FRMD4B: variants seen among roughly 807,000 people sequenced by gnomAD.
FRMD4B encodes FERM domain containing 4B.
Under a neutral mutation model 141.5 loss-of-function variants are expected in FRMD4B, and 74 were observed. The ratio of observed to expected loss-of-function variants is 0.52; its 90% CI spans 0.43 to 0.63. The LOEUF (loss-of-function observed/expected upper bound fraction) is 0.63. FRMD4B is among the 30% of genes least tolerant of loss of function. The pLI is 0.00. For synonymous variants in FRMD4B, 506 were observed against 467.9 expected (o/e 1.08, Z -1.05); for missense variants, 1,366 against 1,253.4 (o/e 1.09, Z -1.36).
rs773936502 is a variant in FRMD4B, at chr3:69,181,722, G to C, written c.2040-12C>G. ...ATGAAGATTCGGGTCTGAAAGAGGAGAAAGGCAAACTTCTCAACACCAAGA... is the reference window on the plus strand; with the variant it reads ...ATGAAGATTCGGGTCTGAAAGAGGACAAAGGCAAACTTCTCAACACCAAGA... On this transcript the variant is annotated splice_polypyrimidine_tract_variant and intron_variant, in intron 20 of 22. Coordinates refer to ENST00000398540, the MANE Select transcript of FRMD4B (RefSeq NM_015123.3). 6.4e-7 allele frequency: 1 copy of C among 1,572,628 alleles called. No individual in the cohort carries two copies. Among genetic ancestry groups the C allele is most frequent in the Non-Finnish European group, 8.7e-7 (1 of 1,151,454 alleles).
In FRMD4B at chr3:69,169,911, G is replaced by T. The variant is rs528503436; in HGVS notation, c.*1950C>A. ...TCTGTGAAATTAGTATAAATTACTT[G>T]CTACAAATAAACAACATTCCCAAGA... On this transcript the variant is annotated 3_prime_UTR_variant, in exon 23 of 23. Transcript: ENST00000398540. 1 of 152,116 alleles carries T rather than the reference G, an allele frequency of 6.6e-6. No individual in the cohort carries two copies. The highest frequency in any genetic ancestry group is 1.5e-5 in the Non-Finnish European group (1 of 68,032). 9.4% of individuals were successfully genotyped at this position (152,116 alleles called of 1,614,324 possible). A position where few individuals can be genotyped will look rare whatever the true frequency, so the allele number is the denominator to read the frequency against.
chr3:69,469,650 C>T (rs1037222657), intron 1 of FRMD4B, among the ~76,000 whole-genome samples: 1 of 152,090 alleles, frequency 6.6e-6, no homozygotes, highest in Non-Finnish European at 1.5e-5. Context: ...CATAGCAAGC[C>T]CCTACTCCAC....
At chr3:69,219,858 T>A (rs1001559992) in intron 9 of FRMD4B, among the ~76,000 whole-genome samples, 7 of 152,196 alleles carry the variant, frequency 4.6e-5, no homozygotes, top group Admixed American at 4.6e-4. Context: ...TACTGATAAG[T>A]GAGAACAAGT....
At chr3:69,239,438 G>A (rs1288120255) in intron 7 of FRMD4B, among the ~76,000 whole-genome samples, 3 of 152,150 alleles carry the variant, frequency 2.0e-5, no homozygotes, top group Non-Finnish European at 4.4e-5. Context: ...AATTTCTAAT[G>A]AGAATGAAAA....
At position 69,296,769 on chromosome 3, in the gene FRMD4B, G is replaced by C. The variant is rs1701047117; in HGVS notation, c.416+5574C>G. On this transcript the variant is annotated intron_variant, in intron 4 of 22. Transcript: ENST00000398540. ...ATCTGATGGCTTTAAACAAATGCATGGTTATCTGGTCACAAACATTTTATC... is the reference window on the plus strand; with the variant it reads ...ATCTGATGGCTTTAAACAAATGCATCGTTATCTGGTCACAAACATTTTATC... Among the ~76,000 whole-genome samples, 3 of 152,054 alleles carry C rather than the reference G, an allele frequency of 2.0e-5. 1 individual carries two copies. In the South Asian group the frequency reaches 6.2e-4, roughly 32 times the overall value.
intron 2 of FRMD4B, among the ~76,000 whole-genome samples, chr3:69,403,156 T>G (rs939615522): frequency 6.6e-6 from 1 of 152,130 alleles, no homozygotes; most frequent in African/African-American, 2.4e-5. Flanking sequence ...ATCACAGAGG[T>G]GCTTTGAAAC....
chr3:69,179,407 A>C (rs2092682146), intron 21 of FRMD4B, among the ~76,000 whole-genome samples: 2 of 152,158 alleles, frequency 1.3e-5, no homozygotes, highest in Admixed American at 1.3e-4. Context: ...TTGACCTGTG[A>C]AAGTTTCTCA....
chr3:69,321,949 C>A (rs866343960), intron 1 of FRMD4B, among the ~76,000 whole-genome samples: 5 of 152,164 alleles, frequency 3.3e-5, no homozygotes, highest in Admixed American at 1.3e-4. Context: ...CTCAAGTAGT[C>A]CTCCTGCCTT....
chr3:69,369,918 T>C (rs774327075), intron 1 of FRMD4B, among the ~76,000 whole-genome samples: 30 of 152,320 alleles, frequency 2.0e-4, no homozygotes, highest in Middle Eastern at 3.4e-3. Flanking sequence ...TGATGGCAGA[T>C]TCCGTCATTA....
chr3:69,459,961 GAA>G (rs1352172095), intron 1 of FRMD4B, among the ~76,000 whole-genome samples: 1 of 152,142 alleles, frequency 6.6e-6, no homozygotes, highest in East Asian at 1.9e-4. Flanking sequence ...TAGGATACAT[GAA>G]AAGACAGACT....
chr3:69,392,506 T>C (rs1224132807), intron 2 of FRMD4B, among the ~76,000 whole-genome samples: 1 of 152,004 alleles, frequency 6.6e-6, no homozygotes. Context: ...AGGGGGATGC[T>C]TGATGGTTGG....
intron 1 of FRMD4B, among the ~76,000 whole-genome samples, chr3:69,473,999 T>C (rs1412874110): frequency 3.3e-5 from 5 of 152,098 alleles, no homozygotes; most frequent in Non-Finnish European, 7.4e-5. Context: ...TTTCCAACCT[T>C]CCCTACACAA....
intron 4 of FRMD4B, among the ~76,000 whole-genome samples, chr3:69,288,670 C>T (rs1700777627): frequency 6.6e-6 from 1 of 152,144 alleles, no homozygotes; most frequent in African/African-American, 2.4e-5. Flanking sequence ...CAAGCTGGGG[C>T]CCCGAAGTTT....
intron 2 of FRMD4B, among the ~76,000 whole-genome samples, chr3:69,416,051 G>A (rs999825551): frequency 7.9e-5 from 12 of 152,234 alleles, no homozygotes; most frequent in African/African-American, 2.9e-4. Flanking sequence ...TTTATATAGG[G>A]GAACCACTTT....
intron 2 of FRMD4B, among the ~76,000 whole-genome samples, chr3:69,392,071 C>T (rs775354302): frequency 2.0e-4 from 31 of 152,284 alleles, no homozygotes; most frequent in African/African-American, 6.5e-4. Flanking sequence ...TTTGTCTTAA[C>T]GGTGAATACA....
intron 1 of FRMD4B, among the ~76,000 whole-genome samples, chr3:69,363,371 C>G (rs1219832423): frequency 1.3e-5 from 2 of 151,022 alleles, no homozygotes; most frequent in African/African-American, 4.9e-5. Context: ...AGGTATGAGC[C>G]TCTGCACCTG....
chr3:69,312,738 A>G lies in FRMD4B; in HGVS notation c.228+714T>C, dbSNP rs142373616. Among the ~76,000 whole-genome samples the G allele has an allele frequency of 8.4e-3, 1,272 of 152,240 alleles. 4 individuals carry two copies. Among genetic ancestry groups the G allele is most frequent in the Admixed American group, 0.013 (194 of 15,294 alleles). On this transcript the variant is annotated intron_variant, in intron 2 of 22. Transcript: ENST00000398540. Reference sequence around the variant, plus strand: ...ACATGGTGAAACCCTGTCTCTACTAAAAATACAAAAATTACCCCGGCAAGG... The same window carrying G: ...ACATGGTGAAACCCTGTCTCTACTAGAAATACAAAAATTACCCCGGCAAGG...
chr3:69,391,389 C>G (rs1222720863), intron 2 of FRMD4B, among the ~76,000 whole-genome samples: 1 of 146,120 alleles, frequency 6.8e-6, no homozygotes, highest in Non-Finnish European at 1.5e-5. Flanking sequence ...CTAATGCTAT[C>G]CCTCTCCCCT....
At chr3:69,221,805 C>A in intron 9 of FRMD4B, 53 bp downstream of exon 9, 1 of 859,092 alleles carries the variant, frequency 1.2e-6, no homozygotes, top group Non-Finnish European at 2.0e-6. Flanking sequence ...TCAAGTGATA[C>A]CTTCAGATGA....
Sources: gnomAD v4.1 joint callset for allele counts (sites outside exome capture counted in the v4.1 genomes callset) on GRCh38, gnomAD v4.1.1 for gene constraint, MANE v1.5 for transcripts, NCBI Gene and HGNC (gene_info 2026-07-23, HGNC 2026-07-21) for gene names.